The following XIRP2 variants were observed in gnomAD, a reference collection of about 807,000 sequenced individuals.
XIRP2 encodes xin actin-binding repeat-containing protein 2.
A neutral mutation model predicts 277.0 loss-of-function variants in XIRP2; 236 were observed. That is an observed-to-expected ratio of 0.85 (90% CI 0.77 to 0.95). The LOEUF (loss-of-function observed/expected upper bound fraction) is 0.95. Among genes scored for constraint, XIRP2 ranks in the 40% least tolerant of loss-of-function variants. XIRP2 has a pLI of 0.00. For missense variants in XIRP2, 4,640 were observed against 4,157.5 expected, an observed-to-expected ratio of 1.12 and a Z score of -3.19; for synonymous variants, 1,490 against 1,416.5, an observed-to-expected ratio of 1.05 and a Z score of -1.17.
rs540733945 is a variant in XIRP2, at chr2:167,152,274, C to T, written c.562+16212C>T. 2.7e-4 allele frequency among the ~76,000 whole-genome samples: 41 copies of T among 152,184 alleles called. No individual in the cohort carries two copies. The South Asian group carries it at 7.5e-3, about 28-fold the overall frequency. ...CCGCCCCATACCAAAAGAAGAACAG[C>T]ATCCTTTGGAGTCTCCAAAGACACA... On this transcript the variant is annotated intron_variant, in intron 3 of 10. Coordinates refer to ENST00000409195, the MANE Select transcript of XIRP2 (RefSeq NM_152381.6).
intron 5 of XIRP2, among the ~76,000 whole-genome samples, chr2:167,237,182 C>A (rs1559034133): frequency 6.6e-6 from 1 of 152,112 alleles, no homozygotes; most frequent in Non-Finnish European, 1.5e-5. Flanking sequence ...TCATCTCCTA[C>A]AAGAAAACAT....
chr2:167,121,732 G>A (rs1377736994), intron 2 of XIRP2, among the ~76,000 whole-genome samples: 1 of 152,130 alleles, frequency 6.6e-6, no homozygotes, highest in Non-Finnish European at 1.5e-5. Context: ...GGGAAAGAAG[G>A]CAGTATTTCT....
At chr2:167,171,764 T>A (rs1692699272) in intron 3 of XIRP2, among the ~76,000 whole-genome samples, 1 of 152,234 alleles carries the variant, frequency 6.6e-6, no homozygotes. Flanking sequence ...GAATCCTATG[T>A]CTTCTTCATA....
At chr2:167,208,550 T>C (rs1048097854) in intron 3 of XIRP2, among the ~76,000 whole-genome samples, 4 of 152,158 alleles carry the variant, frequency 2.6e-5, no homozygotes, top group Non-Finnish European at 5.9e-5. Context: ...CCTCGTGATC[T>C]GCCCGTCTCG....
At chr2:167,218,693 C>G (rs1400888584) in intron 5 of XIRP2, among the ~76,000 whole-genome samples, 1 of 152,158 alleles carries the variant, frequency 6.6e-6, no homozygotes, top group Admixed American at 6.5e-5. Context: ...AAGTTGGAAG[C>G]ATTATTCAGC....
At chr2:166,910,112 T>C (rs1390301251) in intron 2 of XIRP2, among the ~76,000 whole-genome samples, 1 of 152,200 alleles carries the variant, frequency 6.6e-6, no homozygotes, top group Non-Finnish European at 1.5e-5. Flanking sequence ...GGTATCGCGA[T>C]GATGCTGGCC....
chr2:166,958,658 G>A (rs1686228152), intron 2 of XIRP2, among the ~76,000 whole-genome samples: 1 of 151,702 alleles, frequency 6.6e-6, no homozygotes, highest in Admixed American at 6.6e-5. Flanking sequence ...TTAAAAAGAT[G>A]CCAGGGAGTT....
intron 2 of XIRP2, among the ~76,000 whole-genome samples, chr2:167,037,551 G>GTGTT (rs1460724217): frequency 6.6e-6 from 1 of 151,192 alleles, no homozygotes; most frequent in African/African-American, 2.4e-5. Context: ...GTGTGTGTGT[G>GTGTT]TGTGTGTTTT....
At chr2:166,975,148 C>T (rs1427436237) in intron 2 of XIRP2, among the ~76,000 whole-genome samples, 1 of 152,010 alleles carries the variant, frequency 6.6e-6, no homozygotes, top group Non-Finnish European at 1.5e-5. Context: ...CTTTAAAATA[C>T]ATGAAGTAGA....
intron 2 of XIRP2, among the ~76,000 whole-genome samples, chr2:167,088,566 A>G (rs948821651): frequency 2.0e-5 from 3 of 152,150 alleles, no homozygotes; most frequent in African/African-American, 4.8e-5. Context: ...GTACACTTGC[A>G]TATCTTCTAG....
rs1246434443 is a variant in XIRP2 at position 167,247,367 on chromosome 2, G to C, written c.5975G>C (p.Gly1992Ala). Residue 1992 changes from glycine to alanine, a missense_variant, in exon 9 of 11, where the codon GGG (glycine) becomes GCG (alanine). Gly to Ala is a moderately conservative substitution (Grantham distance 60, BLOSUM62 0). Transcript: ENST00000409195. ...GPFEPAAKWQ[G>A]GADTLSQTMG... Reference sequence around the variant, plus strand: ...TTTGAGCCAGCGGCCAAGTGGCAAGGGGGAGCAGATACTCTCAGTCAAACT... The same window carrying C: ...TTTGAGCCAGCGGCCAAGTGGCAAGCGGGAGCAGATACTCTCAGTCAAACT... 3 of 1,613,594 alleles carry C rather than the reference G, an allele frequency of 1.9e-6. No individual in the cohort carries two copies. The highest frequency in any genetic ancestry group is 1.1e-5 in the South Asian group (1 of 91,076).
chr2:167,031,875 T>G (rs6727487), intron 2 of XIRP2, among the ~76,000 whole-genome samples: 35,479 of 151,992 alleles, frequency 0.23, 5,176 homozygotes, highest in African/African-American at 0.4. Context: ...ATGGCCATAC[T>G]GCCCAAAGTA....
intron 2 of XIRP2, among the ~76,000 whole-genome samples, chr2:166,976,277 G>T (rs540138065): frequency 6.6e-6 from 1 of 152,228 alleles, no homozygotes; most frequent in Admixed American, 6.5e-5. Context: ...TATGTGTGAA[G>T]GCAAGTCTAT....
chr2:166,909,940 C>A (rs1684651924), intron 2 of XIRP2, among the ~76,000 whole-genome samples: 1 of 152,212 alleles, frequency 6.6e-6, no homozygotes. Flanking sequence ...GTTGAACCAG[C>A]CTTGCATCCC....
chr2:167,190,494 C>A (rs1693297491), intron 3 of XIRP2, among the ~76,000 whole-genome samples: 1 of 152,112 alleles, frequency 6.6e-6, no homozygotes, highest in Non-Finnish European at 1.5e-5. Flanking sequence ...ATATGTATTT[C>A]TTATTATAAC....
chr2:167,203,478 C>G (rs2105380819), intron 3 of XIRP2, among the ~76,000 whole-genome samples: 1 of 152,274 alleles, frequency 6.6e-6, no homozygotes, highest in Non-Finnish European at 1.5e-5. Flanking sequence ...AATAGGATCA[C>G]AGGGAGGTTA....
chr2:167,191,623 T>G lies in XIRP2; in HGVS notation c.563-19112T>G, dbSNP rs537026723. Among the ~76,000 whole-genome samples, 10 of 152,348 alleles carry G rather than the reference T, an allele frequency of 6.6e-5. No homozygotes were observed. The South Asian group carries it at 8.3e-4, about 13-fold the overall frequency. ...TATTCTGTTAAAACTTGAAAGATGA[T>G]GACTGGCTTATTTTTAAATTTTACA... On this transcript the variant is annotated intron_variant, in intron 3 of 10. Coordinates refer to ENST00000409195, the MANE Select transcript of XIRP2 (RefSeq NM_152381.6).
intron 3 of XIRP2, among the ~76,000 whole-genome samples, chr2:167,169,831 A>G (rs932070221): frequency 1.3e-5 from 2 of 152,100 alleles, no homozygotes; most frequent in African/African-American, 4.8e-5. Context: ...TAATTTTTGG[A>G]CATTGTTGAA....
chr2:166,999,065 C>A (rs1292710432), intron 2 of XIRP2, among the ~76,000 whole-genome samples: 1 of 151,838 alleles, frequency 6.6e-6, no homozygotes, highest in Non-Finnish European at 1.5e-5. Context: ...GATAAAATAA[C>A]CATCTATTCT....
Sources: gnomAD v4.1 joint callset for allele counts (sites outside exome capture counted in the v4.1 genomes callset) on GRCh38, gnomAD v4.1.1 for gene constraint, MANE v1.5 for transcripts, NCBI Gene and HGNC (gene_info 2026-07-23, HGNC 2026-07-21) for gene names.